CCNE1: variants seen among roughly 807,000 people sequenced by gnomAD.
The protein encoded by CCNE1 is cyclin E1.
Under a neutral mutation model 54.1 loss-of-function variants are expected in CCNE1, and 8 were observed. The ratio of observed to expected loss-of-function variants is 0.15; its 90% confidence interval spans 0.09 to 0.27. The LOEUF is 0.27. CCNE1 is among the 10% of genes least tolerant of loss of function. The pLI is 1.00. For missense variants in CCNE1, 430 were observed against 514.9 expected (o/e 0.84, Z 1.60); for synonymous variants, 179 against 185.2 (o/e 0.97, Z 0.27).
chr19:29,812,635 G>C (rs879667362), intron 2 of CCNE1, 54 bp from the exon 3 acceptor site: 55 of 1,550,534 alleles, frequency 3.5e-5, no homozygotes, highest in Middle Eastern at 2.0e-4. Flanking sequence ...CGGGTGGCGT[G>C]GGGGAGGGGC....
intron 6 of CCNE1, among the ~76,000 whole-genome samples, chr19:29,818,862 A>G (rs1427669571): frequency 4.0e-5 from 6 of 151,646 alleles, no homozygotes; most frequent in Non-Finnish European, 7.4e-5. Context: ...TCCCGGGTTC[A>G]AGCGATTTTC....
chr19:29,822,853 A>G (rs1974183536), intron 11 of CCNE1, among the ~76,000 whole-genome samples: 1 of 151,944 alleles, frequency 6.6e-6, no homozygotes, highest in African/African-American at 2.4e-5. Flanking sequence ...CTAAGGCAGG[A>G]GAATCATCTG....
In CCNE1 at chr19:29,812,067, C is replaced by G. The variant is rs1244459082; in HGVS notation, c.-110C>G. The stretch of plus-strand genomic sequence containing the variant: ...CGCCACCGCCGCGCGCTCGGCCCGC[C>G]GACTCCCGGCGCCGCCGCCGCCACT... On this transcript the variant is annotated 5_prime_UTR_variant, in exon 1 of 12. Coordinates refer to ENST00000262643, the MANE Select transcript of CCNE1 (RefSeq NM_001238.4). 1 of 148,180 alleles carries G rather than the reference C, an allele frequency of 6.7e-6. No homozygotes were observed. Among genetic ancestry groups the G allele is most frequent in the African/African-American group, 2.5e-5 (1 of 40,524 alleles). 9.2% of individuals were successfully genotyped at this position (148,180 alleles called of 1,614,324 possible).
chr19:29,812,756 A>G lies in CCNE1; in HGVS notation c.91A>G (p.Arg31Gly), dbSNP rs1443126704. The G allele has an allele frequency of 6.3e-7, 1 of 1,593,570 alleles. No individual in the cohort carries two copies. Among genetic ancestry groups the G allele is most frequent in the African/African-American group, 1.3e-5 (1 of 74,782 alleles). The change falls in exon 3 of 12, where the codon AGG becomes GGG. Residue 31 changes from arginine (R) to glycine (G), a missense_variant. Arg to Gly is a moderately radical substitution (Grantham distance 125, BLOSUM62 -2). Coordinates refer to ENST00000262643, the MANE Select transcript of CCNE1 (RefSeq NM_001238.4). ...GAEFSARSRK[R>G]KANVTVFLQD... Reference sequence around the variant, plus strand: ...GGAGTTCTCGGCTCGCTCCAGGAAGAGGAAGGCAAACGTGACCGTTGTGAG... The same window carrying G: ...GGAGTTCTCGGCTCGCTCCAGGAAGGGGAAGGCAAACGTGACCGTTGTGAG...
chr19:29,823,574 A>G, intron 11 of CCNE1, 81 bp from the exon 12 acceptor site: 2 of 1,306,458 alleles, frequency 1.5e-6, no homozygotes, highest in Non-Finnish European at 2.0e-6. Context: ...TTTAAAAATT[A>G]AAAAAGAAAA....
intron 6 of CCNE1, 142 bp from the exon 7 acceptor site, chr19:29,820,560 A>C: frequency 1.5e-6 from 1 of 660,372 alleles, no homozygotes; most frequent in South Asian, 2.1e-5. Context: ...AAAAAAAACA[A>C]AAAAACAAAA....
chr19:29,819,217 C>T (rs1027562780), intron 6 of CCNE1, among the ~76,000 whole-genome samples: 1 of 151,934 alleles, frequency 6.6e-6, no homozygotes, highest in Non-Finnish European at 1.5e-5. Context: ...GCACTCCAGC[C>T]TAGGTGACCA....
At chr19:29,813,459 A>C in intron 4 of CCNE1, 1 of 160,912 alleles carries the variant, frequency 6.2e-6, no homozygotes, top group Non-Finnish European at 1.3e-5. Context: ...GGTGTTTATA[A>C]GCAACAACTT....
At chr19:29,821,122 G>A (rs552903940) in intron 7 of CCNE1, among the ~76,000 whole-genome samples, 7 of 152,130 alleles carry the variant, frequency 4.6e-5, no homozygotes, top group Non-Finnish European at 7.4e-5. Context: ...TTTTGGGCCC[G>A]GGTTGGTGGC....
At chr19:29,814,006 G>A (rs958264462) in intron 4 of CCNE1, among the ~76,000 whole-genome samples, 3 of 152,208 alleles carry the variant, frequency 2.0e-5, no homozygotes, top group Non-Finnish European at 2.9e-5. Context: ...ATCTGGAAGC[G>A]TGAAGGGTTT....
In CCNE1 at chr19:29,822,578, C is replaced by G. The variant is rs1974177505; in HGVS notation, c.1085C>G (p.Thr362Ser). ...GATGAAGATGCACACAACATACAGA[C>G]CCACAGAGACAGCTTGGATTTGCTG... ...VADEDAHNIQ[T>S]HRDSLDLLDK... Residue 362 changes from threonine (T) to serine (S), a missense_variant, in exon 11 of 12, where the codon ACC becomes AGC. By Grantham distance (58) the Thr-to-Ser change is moderately conservative. Coordinates refer to ENST00000262643, the MANE Select transcript of CCNE1 (RefSeq NM_001238.4). 6.2e-7 allele frequency: 1 copy of G among 1,612,864 alleles called. No homozygotes were observed. Among genetic ancestry groups the G allele is most frequent in the South Asian group, 1.1e-5 (1 of 90,938 alleles).
At chr19:29,817,678 T>C in intron 6 of CCNE1, 137 bp downstream of exon 6, 1 of 891,640 alleles carries the variant, frequency 1.1e-6, no homozygotes. Flanking sequence ...TTTACTGTGG[T>C]GGTCTTTCTG....
At chr19:29,814,765 C>T (rs911035867) in intron 4 of CCNE1, among the ~76,000 whole-genome samples, 3 of 152,124 alleles carry the variant, frequency 2.0e-5, no homozygotes, top group Non-Finnish European at 2.9e-5. Flanking sequence ...ACTGCTTCAT[C>T]GAGACCACAT....
At position 29,822,614 on chromosome 19, in the gene CCNE1, CTCCTTCTTTCAG is replaced by C; in HGVS notation, c.1110+20_1110+31del. On this transcript the variant is annotated intron_variant, in intron 11 of 11. Coordinates refer to ENST00000262643, the MANE Select transcript of CCNE1 (RefSeq NM_001238.4). ...AGCTTGGATTTGCTGGTCAGTGCTG[CTCCTTCTTTCAG>C]TCCTTCTTGGCCAAATTCTTAAAAC... The C allele has an allele frequency of 6.3e-7, 1 of 1,587,522 alleles. No individual in the cohort carries two copies. The highest frequency in any genetic ancestry group is 8.6e-7 in the Non-Finnish European group (1 of 1,163,968).
chr19:29,812,485 G>T, intron 1 of CCNE1, 47 bp from the exon 2 acceptor site: 1 of 1,225,412 alleles, frequency 8.2e-7, no homozygotes, highest in African/African-American at 1.6e-5. Flanking sequence ...GGGGTACTGG[G>T]CCCGCGGCCT....
chr19:29,822,905 C>T (rs1447141937), intron 11 of CCNE1, among the ~76,000 whole-genome samples: 1 of 151,340 alleles, frequency 6.6e-6, no homozygotes, highest in Non-Finnish European at 1.5e-5. Context: ...GATCACGCCA[C>T]TGCACTCCAG....
At chr19:29,817,663 A>G (rs773756626) in intron 6 of CCNE1, 122 bp downstream of exon 6, 1 of 1,021,336 alleles carries the variant, frequency 9.8e-7, no homozygotes, top group African/African-American at 1.6e-5. Context: ...GCTATATGGT[A>G]TATTTTTACT....
intron 6 of CCNE1, among the ~76,000 whole-genome samples, chr19:29,817,998 A>G (rs556678645): frequency 2.2e-5 from 3 of 138,288 alleles, no homozygotes; most frequent in African/African-American, 8.3e-5. Context: ...AGTAGCTGGG[A>G]TTACAGGCGC....
At chr19:29,818,485 G>T (rs143994105) in intron 6 of CCNE1, among the ~76,000 whole-genome samples, 1 of 152,186 alleles carries the variant, frequency 6.6e-6, no homozygotes, top group Non-Finnish European at 1.5e-5. Flanking sequence ...GTATTCACTG[G>T]GATGCATATA....
Sources: gnomAD v4.1 joint callset for allele counts (sites outside exome capture counted in the v4.1 genomes callset) on GRCh38, gnomAD v4.1.1 for gene constraint, MANE v1.5 for transcripts, NCBI Gene and HGNC (gene_info 2026-07-23, HGNC 2026-07-21) for gene names.